Variants in ARSK observed in about 807,000 individuals in gnomAD.
The protein encoded by ARSK is arylsulfatase K.
In ARSK, 37 loss-of-function variants were observed where a neutral mutation model predicts 53.2. The ratio of observed to expected loss-of-function variants is 0.70; its 90% CI spans 0.54 to 0.92. ARSK has a LOEUF of 0.92. Among genes scored for constraint, ARSK ranks in the 40% least tolerant of loss-of-function variants. The probability of loss-of-function intolerance (pLI) is 0.00; values close to 1 mark genes in which losing one functional copy is unlikely to be tolerated. For synonymous variants in ARSK, 208 were observed against 223.2 expected (o/e 0.93, Z 0.61); for missense variants, 613 against 643.0 (o/e 0.95, Z 0.51).
At chr5:95,598,378 T>C (rs1057379677) in intron 6 of ARSK, among the ~76,000 whole-genome samples, 2 of 152,176 alleles carry the variant, frequency 1.3e-5, no homozygotes, top group Admixed American at 6.5e-5. Flanking sequence ...TTGATAAATA[T>C]ATGAAAAATG....
intron 7 of ARSK, 126 bp downstream of exon 7, chr5:95,601,197 G>C (rs932387761): frequency 1.0e-6 from 1 of 956,526 alleles, no homozygotes; most frequent in Non-Finnish European, 1.5e-6. Flanking sequence ...ATGCTAGGAC[G>C]ATCTACAAAA....
intron 1 of ARSK, chr5:95,556,997 G>A (rs1272054519): frequency 6.6e-6 from 1 of 150,462 alleles, no homozygotes; most frequent in Non-Finnish European, 1.5e-5. Flanking sequence ...GCGACGGAGC[G>A]AGAGTCCGTC....
At chr5:95,586,780 A>G (rs188952316) in intron 5 of ARSK, 47 bp downstream of exon 5, 1 of 1,482,738 alleles carries the variant, frequency 6.7e-7, no homozygotes, top group African/African-American at 1.4e-5. Context: ...AAATTATAAT[A>G]TTTTTCCAAC....
At chr5:95,593,057 T>C (rs916160110) in intron 6 of ARSK, among the ~76,000 whole-genome samples, 5 of 152,154 alleles carry the variant, frequency 3.3e-5, no homozygotes, top group Non-Finnish European at 5.9e-5. Flanking sequence ...TATTAGTATA[T>C]TTAGAGTTTT....
intron 6 of ARSK, among the ~76,000 whole-genome samples, chr5:95,592,907 C>T (rs1018187868): frequency 9.9e-5 from 15 of 152,102 alleles, no homozygotes; most frequent in Non-Finnish European, 1.6e-4. Context: ...TTCCCTTTAT[C>T]CCAAAGTAAT....
intron 5 of ARSK, 59 bp downstream of exon 5, chr5:95,586,792 G>A: frequency 7.1e-7 from 1 of 1,409,704 alleles, no homozygotes; most frequent in Non-Finnish European, 9.5e-7. Context: ...TTTTCCAACA[G>A]TCTGTAATCA....
At chr5:95,589,593 G>A (rs1402936124) in intron 5 of ARSK, among the ~76,000 whole-genome samples, 1 of 152,108 alleles carries the variant, frequency 6.6e-6, no homozygotes, top group Non-Finnish European at 1.5e-5. Flanking sequence ...CCATGTCCCC[G>A]CAAAGGACAT....
At chr5:95,577,319 A>G (rs1748941163) in intron 3 of ARSK, among the ~76,000 whole-genome samples, 1 of 152,230 alleles carries the variant, frequency 6.6e-6, no homozygotes, top group African/African-American at 2.4e-5. Flanking sequence ...TGGATATAAA[A>G]TGGTGAATGT....
At chr5:95,562,911 T>C (rs765697024) in intron 1 of ARSK, among the ~76,000 whole-genome samples, 5 of 152,236 alleles carry the variant, frequency 3.3e-5, no homozygotes, top group Non-Finnish European at 7.3e-5. Flanking sequence ...CCAACTAAAT[T>C]TGACAGAACT....
intron 3 of ARSK, among the ~76,000 whole-genome samples, chr5:95,573,806 G>A (rs1748875879): frequency 6.6e-6 from 1 of 152,206 alleles, no homozygotes; most frequent in African/African-American, 2.4e-5. Flanking sequence ...CATATAATGC[G>A]TGATGAAAAC....
chr5:95,586,185 A>G (rs1749107556), intron 4 of ARSK, among the ~76,000 whole-genome samples: 2 of 152,170 alleles, frequency 1.3e-5, no homozygotes, highest in Admixed American at 6.6e-5. Context: ...TTATTGGAGA[A>G]AAGGAGTCCG....
chr5:95,556,075 C>A (rs891626806), intron 1 of ARSK: 12 of 625,866 alleles, frequency 1.9e-5, no homozygotes, highest in African/African-American at 1.6e-4. Context: ...GCTGCTTAGA[C>A]AATTGTTTGG....
intron 1 of ARSK, among the ~76,000 whole-genome samples, chr5:95,558,888 C>T (rs1748578542): frequency 6.6e-6 from 1 of 152,224 alleles, no homozygotes; most frequent in Non-Finnish European, 1.5e-5. Context: ...CACCTGTAAT[C>T]CCAGCACTTT....
At chr5:95,587,287 G>A (rs1398811648) in intron 5 of ARSK, among the ~76,000 whole-genome samples, 1 of 152,132 alleles carries the variant, frequency 6.6e-6, no homozygotes, top group Non-Finnish European at 1.5e-5. Context: ...TTCATCACAT[G>A]ACTGTCAAGA....
At chr5:95,597,748 G>C (rs1749336137) in intron 6 of ARSK, among the ~76,000 whole-genome samples, 1 of 152,144 alleles carries the variant, frequency 6.6e-6, no homozygotes, top group Non-Finnish European at 1.5e-5. Context: ...ACAAAAATCA[G>C]CCAGGCGTGG....
Position 95,555,353 on chromosome 5 carries a change from G to C in ARSK, c.75G>C (p.Arg25Ser). 1 of 1,610,270 alleles carries C rather than the reference G, an allele frequency of 6.2e-7. No homozygotes were observed. The highest frequency in any genetic ancestry group is 8.5e-7 in the Non-Finnish European group (1 of 1,179,418). ...AVLAPGAGEQRRRAAKAPNVV... is the reference protein window; with the variant it reads ...AVLAPGAGEQSRRAAKAPNVV... ...TGGCCCCCGGAGCAGGGGAGCAGAG[G>C]CGGAGAGCAGCCAAAGCGCCCAATG... Residue 25 changes from arginine to serine, a missense_variant, in exon 1 of 8, where the codon AGG becomes AGC. By Grantham distance (110) the Arg-to-Ser change is moderately radical (BLOSUM62 -1). Coordinates refer to ENST00000380009, the MANE Select transcript of ARSK (RefSeq NM_198150.3). The surrounding 1 kb of genome is among the most constrained non-coding windows in gnomAD (Gnocchi z 4.0).
Position 95,555,110 on chromosome 5 carries a change from C to T in ARSK, c.-169C>T. 1.9e-6 allele frequency: 1 copy of T among 524,624 alleles called. No homozygotes were observed. The highest frequency in any genetic ancestry group is 3.3e-6 in the Non-Finnish European group (1 of 298,826). 32.5% of individuals were successfully genotyped at this position (524,624 alleles called of 1,614,324 possible). A position where few individuals can be genotyped will look rare whatever the true frequency, so the allele number is the denominator to read the frequency against. On this transcript the variant is annotated 5_prime_UTR_variant, in exon 1 of 8. Coordinates refer to ENST00000380009, the MANE Select transcript of ARSK (RefSeq NM_198150.3). This position sits in a 1 kb window ranked among gnomAD's most constrained non-coding sequence, Gnocchi z 4.0. Reference sequence around the variant, plus strand: ...TTTCTCTGTTGCGCATGTGCGCGCTCTCCGCCTGATAGGAGTTGTAGTTCT... The same window carrying T: ...TTTCTCTGTTGCGCATGTGCGCGCTTTCCGCCTGATAGGAGTTGTAGTTCT...
rs201528082 is a variant in ARSK at position 95,593,824 on chromosome 5, A to AT, written c.1096+2202dup. 1.7e-3 allele frequency among the ~76,000 whole-genome samples: 258 copies of AT among 152,168 alleles called. 4 individuals carry two copies. The East Asian group carries it at 0.043, about 25-fold the overall frequency. On this transcript the variant is annotated intron_variant, in intron 6 of 7. Transcript: ENST00000380009. ...TGCACCTGTAGGTTTTTTTCCTGCAATTTGTCAATTATTATAATTCTCTAA... is the reference window on the plus strand; with the variant it reads ...TGCACCTGTAGGTTTTTTTCCTGCAATTTTGTCAATTATTATAATTCTCTAA...
intron 6 of ARSK, among the ~76,000 whole-genome samples, chr5:95,596,381 A>T (rs760747923): frequency 6.6e-6 from 1 of 152,172 alleles, no homozygotes; most frequent in Non-Finnish European, 1.5e-5. Flanking sequence ...GTTTAGCTGT[A>T]GCTTTATTAT....
Sources: gnomAD v4.1 joint callset for allele counts (sites outside exome capture counted in the v4.1 genomes callset) on GRCh38, gnomAD v4.1.1 for gene constraint, Gnocchi (gnomAD v3.1) non-coding constraint, MANE v1.5 for transcripts, NCBI Gene and HGNC (gene_info 2026-07-23, HGNC 2026-07-21) for gene names.